GRSF1: variants seen among roughly 807,000 people sequenced by gnomAD.
GRSF1 encodes G-rich RNA sequence binding factor 1, also known as G-rich sequence factor 1.
In GRSF1, 50 loss-of-function variants were observed where a neutral mutation model predicts 51.1. That is an observed-to-expected ratio of 0.98 (90% CI 0.78 to 1.24). GRSF1 has a LOEUF of 1.24. GRSF1 is among the 50% of genes most tolerant of loss of function. The probability of loss-of-function intolerance (pLI) is 0.00; values close to 1 mark genes in which losing one functional copy is unlikely to be tolerated. For synonymous variants in GRSF1, 293 were observed against 253.3 expected, an observed-to-expected ratio of 1.16 and a Z score of -1.49; for missense variants, 700 against 639.7, an observed-to-expected ratio of 1.09 and a Z score of -1.02.
Position 70,819,296 on chromosome 4 carries a change from G to A in GRSF1, c.*1591C>T, listed in dbSNP as rs900012461. On this transcript the variant is annotated 3_prime_UTR_variant, in exon 10 of 10. Coordinates refer to ENST00000254799, the MANE Select transcript of GRSF1 (RefSeq NM_002092.4). ...AACAAAGATCACATTCTAATAGTTC[G>A]TACAACTACAGATACCAGTTCTCAT... 6 of 152,080 alleles carry A rather than the reference G, an allele frequency of 3.9e-5. No homozygotes were observed. In the South Asian group the frequency reaches 6.2e-4, roughly 16 times the overall value. The allele number at this position is 152,080 out of a possible 1,614,324, so 9.4% of individuals were successfully genotyped here. A position where few individuals can be genotyped will look rare whatever the true frequency, so the allele number is the denominator to read the frequency against.
intron 6 of GRSF1, among the ~76,000 whole-genome samples, chr4:70,826,616 A>G (rs1010093314): frequency 4.6e-5 from 7 of 151,970 alleles, no homozygotes; most frequent in African/African-American, 1.5e-4. Context: ...GAAGCAGGAG[A>G]ATCACTTGAG....
intron 3 of GRSF1, 23 bp from the exon 4 acceptor site, chr4:70,832,473 G>A (rs1190376534): frequency 1.4e-5 from 21 of 1,476,600 alleles, no homozygotes; most frequent in Non-Finnish European, 1.5e-5. Context: ...AACCCAACAG[G>A]GATGAAAAAT....
intron 6 of GRSF1, 93 bp downstream of exon 6, chr4:70,827,759 C>T (rs943651055): frequency 8.1e-6 from 7 of 861,738 alleles, no homozygotes; most frequent in African/African-American, 3.4e-5. Context: ...AGCCTGGCAA[C>T]AGAGCGAGAC....
chr4:70,839,553 G>A lies in GRSF1; in HGVS notation c.275C>T (p.Ala92Val), dbSNP rs1487153796. The change falls in exon 1 of 10, where the codon GCG becomes GTG. Residue 92 changes from alanine to valine, a missense_variant. Ala to Val is a moderately conservative substitution (Grantham distance 64). Transcript: ENST00000254799. ...AGAGGCACGGAGGGCAGAGTAGGAC[G>A]CGGCGGCCGCGGCCGCGGCAGAGGT... ...VATSAAAAAA[A>V]SYSALRASLL... 3 of 1,423,566 alleles carry A rather than the reference G, an allele frequency of 2.1e-6. No individual in the cohort carries two copies. Among genetic ancestry groups the A allele is most frequent in the East Asian group, 3.1e-5 (1 of 32,078 alleles). The allele number at this position is 1,423,566 out of a possible 1,614,324, so 88.2% of individuals were successfully genotyped here. A position where few individuals can be genotyped will look rare whatever the true frequency, so the allele number is the denominator to read the frequency against.
At chr4:70,835,316 G>A (rs930282891) in intron 2 of GRSF1, among the ~76,000 whole-genome samples, 4 of 150,966 alleles carry the variant, frequency 2.6e-5, no homozygotes, top group South Asian at 2.1e-4. Flanking sequence ...GGTGGCAGTC[G>A]CTACTAGGGA....
rs1395508585 is a variant in GRSF1, at chr4:70,839,864, C to T, written c.-37G>A. On this transcript the variant is annotated 5_prime_UTR_variant, in exon 1 of 10. Coordinates refer to ENST00000254799, the MANE Select transcript of GRSF1 (RefSeq NM_002092.4). ...GCGGCGCAGGGCCTGAAGGCAGCTG[C>T]TCCAGCAGCGATGGTGGAACGGAAG... The T allele has an allele frequency of 2.1e-6, 3 of 1,442,352 alleles. No homozygotes were observed. Among genetic ancestry groups the T allele is most frequent in the Admixed American group, 5.5e-5 (2 of 36,120 alleles). 89.3% of individuals were successfully genotyped at this position (1,442,352 alleles called of 1,614,324 possible). A position where few individuals can be genotyped will look rare whatever the true frequency, so the allele number is the denominator to read the frequency against.
intron 3 of GRSF1, among the ~76,000 whole-genome samples, 165 bp downstream of exon 3, chr4:70,832,953 C>A (rs999417415): frequency 4.0e-5 from 6 of 151,282 alleles, no homozygotes; most frequent in African/African-American, 1.5e-4. Flanking sequence ...ATCCCCCCCA[C>A]AAAAAAAAGA....
rs762660660 is a variant in GRSF1, at chr4:70,827,966, T to C, written c.1021A>G (p.Ile341Val). The C allele has an allele frequency of 6.2e-7, 1 of 1,612,586 alleles. No individual in the cohort carries two copies. Among genetic ancestry groups the C allele is most frequent in the Non-Finnish European group, 8.5e-7 (1 of 1,178,692 alleles). ...TACTTAGCAGTAGGAAAAGATGCGA[T>C]TTTCTTTCCCTTATAAGAACCGACA... is the stretch of plus-strand genomic sequence containing the variant. ...THVGSYKGKK[I>V]ASFPTAKYIT... The change falls in exon 6 of 10, where the codon ATC (isoleucine) becomes GTC (valine). Residue 341 changes from isoleucine (I) to valine (V), a missense_variant. Transcript: ENST00000254799.
intron 3 of GRSF1, among the ~76,000 whole-genome samples, chr4:70,832,687 C>G (rs1734032352): frequency 6.6e-6 from 1 of 152,244 alleles, no homozygotes; most frequent in Non-Finnish European, 1.5e-5. Flanking sequence ...CTGGCTCACG[C>G]CTATAATCCC....
At chr4:70,828,166 A>G in intron 5 of GRSF1, 130 bp from the exon 6 acceptor site, 5 of 667,714 alleles carry the variant, frequency 7.5e-6, no homozygotes, top group Admixed American at 6.1e-5. Context: ...GATAACAGGT[A>G]GGGAAAACTA....
intron 2 of GRSF1, 112 bp downstream of exon 2, chr4:70,836,046 T>C (rs925528737): frequency 1.7e-6 from 1 of 572,924 alleles, no homozygotes. Flanking sequence ...GACATGGATT[T>C]GTAGCACTAC....
intron 9 of GRSF1, among the ~76,000 whole-genome samples, chr4:70,823,186 A>G (rs1733590362): frequency 6.6e-6 from 1 of 152,184 alleles, no homozygotes; most frequent in Non-Finnish European, 1.5e-5. Context: ...ACCTGAGGTC[A>G]GGAGTTCAAG....
At chr4:70,833,079 T>A in intron 3 of GRSF1, 39 bp downstream of exon 3, 2 of 1,585,018 alleles carry the variant, frequency 1.3e-6, no homozygotes, top group Non-Finnish European at 1.7e-6. Context: ...TAAAACCTAA[T>A]GCAATGATCC....
chr4:70,830,508 G>A (rs1307705576), intron 5 of GRSF1, among the ~76,000 whole-genome samples: 3 of 151,614 alleles, frequency 2.0e-5, no homozygotes, highest in African/African-American at 4.8e-5. Flanking sequence ...CAAATGCAGT[G>A]TGTAGACCTT....
chr4:70,833,226 T>C lies in GRSF1; in HGVS notation c.562A>G (p.Arg188Gly), dbSNP rs761151698. 3.1e-6 allele frequency: 5 copies of C among 1,613,784 alleles called. No homozygotes were observed. Among genetic ancestry groups the C allele is most frequent in the Non-Finnish European group, 4.2e-6 (5 of 1,179,778 alleles). ...GCATCACCCCTTCGTTTCCCATCTC[T>C]GTTTAGGAGAAAATGTATTCCATTC... The part of the protein sequence containing the change: ...GENGIHFLLN[R>G]DGKRRGDALI... Residue 188 changes from arginine to glycine, a missense_variant, in exon 3 of 10, where the codon AGA (arginine) becomes GGA (glycine). Transcript: ENST00000254799.
At chr4:70,820,960 T>G (rs550670393) in intron 9 of GRSF1, 99 bp from the exon 10 acceptor site, 148 of 152,398 alleles carry the variant, frequency 9.7e-4, no homozygotes, top group African/African-American at 3.4e-3. Flanking sequence ...ATTTTTCTCC[T>G]TTCTAATTTA....
At chr4:70,829,187 A>C (rs764407951) in intron 5 of GRSF1, among the ~76,000 whole-genome samples, 7 of 152,124 alleles carry the variant, frequency 4.6e-5, no homozygotes, top group Non-Finnish European at 8.8e-5. Context: ...CACCGCGCCC[A>C]GCACAGTTTC....
chr4:70,840,632 G>A (rs1479910164), upstream of GRSF1, among the ~76,000 whole-genome samples: 2 of 152,100 alleles, frequency 1.3e-5, no homozygotes, highest in Non-Finnish European at 2.9e-5. Context: ...GTGTGGTGAC[G>A]GGTGCCCGTA....
At chr4:70,839,341 G>T in intron 1 of GRSF1, 130 bp downstream of exon 1, 2 of 1,504,724 alleles carry the variant, frequency 1.3e-6, no homozygotes, top group South Asian at 1.2e-5. Context: ...GACGGGGGCG[G>T]GTGTGCGGCG....
Sources: allele counts gnomAD v4.1 joint callset (sites outside exome capture counted in the v4.1 genomes callset), GRCh38; gene constraint gnomAD v4.1.1; transcripts MANE v1.5; gene names NCBI Gene and HGNC (gene_info 2026-07-23, HGNC 2026-07-21).